COL10A1: variants seen among roughly 807,000 people sequenced by gnomAD.
COL10A1 encodes collagen alpha-1(X) chain.
Under a neutral mutation model 18.2 loss-of-function variants are expected in COL10A1, and 10 were observed. That is an observed-to-expected ratio of 0.55 (90% CI 0.34 to 0.93). The LOEUF (loss-of-function observed/expected upper bound fraction) is 0.93, where lower values mean the gene tolerates loss of function less well. Among genes scored for constraint, COL10A1 ranks in the 40% least tolerant of loss-of-function variants. The probability of loss-of-function intolerance (pLI) is 0.02; values close to 1 mark genes in which losing one functional copy is unlikely to be tolerated. For missense variants in COL10A1, 897 were observed against 853.5 expected (o/e 1.05, Z -0.64); for synonymous variants, 330 against 316.6 (o/e 1.04, Z -0.45).
At chr6:116,157,260 A>T (rs191168290) in intron 1 of COL10A1, among the ~76,000 whole-genome samples, 100 of 152,288 alleles carry the variant, frequency 6.6e-4, no homozygotes, top group Non-Finnish European at 1.2e-3. Context: ...AGTTAATTAC[A>T]GTGCTCTGAG....
At chr6:116,196,947 C>T in the COL10A1 span, among the ~76,000 whole-genome samples, 1 of 151,540 alleles carries the variant, frequency 6.6e-6, no homozygotes, top group Non-Finnish European at 1.5e-5. Context: ...ATGTTTTCTC[C>T]AGAGTTCTAT....
At chr6:116,171,562 G>T in the COL10A1 span, among the ~76,000 whole-genome samples, 4,775 of 152,184 alleles carry the variant, frequency 0.031, 260 homozygotes, top group African/African-American at 0.11. Flanking sequence ...TACCTTTTTG[G>T]GGGGACTAAG....
upstream of COL10A1, among the ~76,000 whole-genome samples, chr6:116,161,715 T>C (rs568989522): frequency 6.6e-6 from 1 of 152,334 alleles, no homozygotes; most frequent in East Asian, 1.9e-4. Context: ...ATTTAGGCTC[T>C]TATGGGTTCC....
chr6:116,143,203 A>G (rs1393648306), intron 1 of COL10A1, among the ~76,000 whole-genome samples: 2 of 151,906 alleles, frequency 1.3e-5, no homozygotes, highest in Non-Finnish European at 2.9e-5. Flanking sequence ...ACATTTTCTC[A>G]CCTCTTTTGT....
exon 1 of COL10A1, chr6:116,158,670 C>G (rs115858510): frequency 1.9e-3 from 286 of 152,338 alleles, no homozygotes; most frequent in African/African-American, 6.5e-3. Flanking sequence ...TTAAAAGTCA[C>G]TACTTTGTCA....
At position 116,120,887 on chromosome 6, in the gene COL10A1, C is replaced by G; in HGVS notation, c.1229G>C (p.Gly410Ala). The G allele has an allele frequency of 1.2e-6, 2 of 1,613,994 alleles. No homozygotes were observed. The highest frequency in any genetic ancestry group is 1.7e-6 in the Non-Finnish European group (2 of 1,179,938). The part of the protein sequence containing the change: ...KGNPGLPGPK[G>A]DPGVGGPPGL... ...AGGAGGTCCTCCAACTCCAGGATCA[C>G]CTTTTGGACCTGGTAACCCTGGGTT... is the stretch of plus-strand genomic sequence containing the variant. The change falls in exon 3 of 3, where the codon GGT becomes GCT. Residue 410 changes from glycine to alanine, a missense_variant. Physicochemically the swap from Gly to Ala is moderately conservative, Grantham distance 60. Coordinates refer to ENST00000651968, the MANE Select transcript of COL10A1 (RefSeq NM_000493.4).
rs1385865093 is a variant in COL10A1, at chr6:116,120,980, C to T, written c.1136G>A (p.Arg379Lys). 1 of 1,613,950 alleles carries T rather than the reference C, an allele frequency of 6.2e-7. No homozygotes were observed. The change falls in exon 3 of 3, where the codon AGG (arginine) becomes AAG (lysine). Residue 379 changes from arginine to lysine, a missense_variant. By Grantham distance (26) the Arg-to-Lys change is conservative. Coordinates refer to ENST00000651968, the MANE Select transcript of COL10A1 (RefSeq NM_000493.4). ...TTTTCCATCTGACCCAGGGGAACCC[C>T]TTTCACCCTTAGCCCCAGGGTATCC... ...PAGYPGAKGE[R>K]GSPGSDGKPG...
intron 1 of COL10A1, among the ~76,000 whole-genome samples, chr6:116,141,759 GTT>G (rs556953268): frequency 1.4e-5 from 2 of 138,438 alleles, no homozygotes; most frequent in Non-Finnish European, 1.6e-5. Flanking sequence ...TTCTTCTTTT[GTT>G]TTTTTTTTTT....
At chr6:116,154,963 AC>A (rs1780147539) in intron 1 of COL10A1, among the ~76,000 whole-genome samples, 1 of 152,182 alleles carries the variant, frequency 6.6e-6, no homozygotes, top group Non-Finnish European at 1.5e-5. Flanking sequence ...ACCATATACA[AC>A]CACATTGTTC....
At chr6:116,152,441 T>C (rs754115527) in intron 1 of COL10A1, among the ~76,000 whole-genome samples, 1 of 152,134 alleles carries the variant, frequency 6.6e-6, no homozygotes, top group Non-Finnish European at 1.5e-5. Context: ...TTTGAACTCC[T>C]GTGTCCTCTA....
In COL10A1 at chr6:116,135,660, A is replaced by AT. The variant is rs559180467; in HGVS notation, c.-15-10154dup. 2.7e-3 allele frequency among the ~76,000 whole-genome samples: 400 copies of AT among 149,694 alleles called. 10 individuals are homozygous for AT. The South Asian group carries it at 0.044, about 16-fold the overall frequency. ...TTGGACTTTAATTCAACTAACAAAC[A>AT]TTTTTTTTTCCTGATATATATGCTG... On this transcript the variant is annotated intron_variant, in intron 1 of 1. Transcript: ENST00000418500.
chr6:116,190,652 A>C, the COL10A1 span, among the ~76,000 whole-genome samples: 1 of 152,050 alleles, frequency 6.6e-6, no homozygotes, highest in Non-Finnish European at 1.5e-5. Flanking sequence ...GCTTTATTGG[A>C]TCGTCAATAA....
the COL10A1 span, among the ~76,000 whole-genome samples, chr6:116,170,018 G>A: frequency 2.0e-5 from 3 of 152,290 alleles, no homozygotes; most frequent in African/African-American, 4.8e-5. Context: ...TAGAAAGACA[G>A]TTAATTGGCC....
chr6:116,132,612 GT>G (rs1779497094), intron 1 of COL10A1, among the ~76,000 whole-genome samples: 1 of 152,086 alleles, frequency 6.6e-6, no homozygotes, highest in Non-Finnish European at 1.5e-5. Context: ...AAGGAAACTA[GT>G]TTATTATGCA....
At chr6:116,132,742 A>G (rs1779501643) in intron 1 of COL10A1, among the ~76,000 whole-genome samples, 1 of 152,164 alleles carries the variant, frequency 6.6e-6, no homozygotes, top group East Asian at 1.9e-4. Flanking sequence ...CTGTTCTGGC[A>G]GGATACTGAC....
In COL10A1 at chr6:116,135,843, A is replaced by ATATG. The variant is rs1270712013; in HGVS notation, c.-15-10337_-15-10336insCATA. Among the ~76,000 whole-genome samples, 42 of 91,576 alleles carry ATATG rather than the reference A, an allele frequency of 4.6e-4. 1 individual carries two copies. Among genetic ancestry groups the ATATG allele is most frequent in the Non-Finnish European group, 6.9e-4 (34 of 49,014 alleles). 60.1% of individuals were successfully genotyped at this position (91,576 alleles called of 152,430 possible). A position where few individuals can be genotyped will look rare whatever the true frequency, so the allele number is the denominator to read the frequency against. Reference sequence around the variant, plus strand: ...ATACAATATATTTTCAGATATATATATATATATATATATATATATATATAT... The same window carrying ATATG: ...ATACAATATATTTTCAGATATATATATATGTATATATATATATATATATATATAT... On this transcript the variant is annotated intron_variant, in intron 1 of 1. Coordinates refer to the COL10A1 transcript ENST00000418500.
At chr6:116,174,667 A>C in the COL10A1 span, among the ~76,000 whole-genome samples, 1 of 152,226 alleles carries the variant, frequency 6.6e-6, no homozygotes, top group Non-Finnish European at 1.5e-5. Context: ...TTTTAAAGAC[A>C]TCTTCGATTT....
chr6:116,214,832 G>C, the COL10A1 span, among the ~76,000 whole-genome samples: 1 of 151,462 alleles, frequency 6.6e-6, no homozygotes, highest in South Asian at 2.1e-4. Flanking sequence ...AAAAAAAAAA[G>C]AGTTATCTGG....
At chr6:116,182,222 A>AGAGAGTGTGTGTGTGTGTGT in the COL10A1 span, among the ~76,000 whole-genome samples, 1 of 124,606 alleles carries the variant, frequency 8.0e-6, no homozygotes, top group Non-Finnish European at 1.7e-5. Flanking sequence ...TTCCATGGAG[A>AGAGAGTGTGTGTGTGTGTGT]GTGTGTGTGT....
Sources: allele counts gnomAD v4.1 joint callset (sites outside exome capture counted in the v4.1 genomes callset), GRCh38; gene constraint gnomAD v4.1.1; transcripts MANE v1.5; gene names NCBI Gene and HGNC (gene_info 2026-07-23, HGNC 2026-07-21).